The following BTBD8 variants were observed in gnomAD, a reference collection of about 807,000 sequenced individuals.
BTBD8 encodes the protein BTB/POZ domain-containing protein 8.
Under a neutral mutation model 162.9 loss-of-function variants are expected in BTBD8, and 110 were observed. The observed-to-expected ratio is 0.68, with a 90% CI of 0.58 to 0.79. The LOEUF is 0.79. BTBD8 is among the 30% of genes least tolerant of loss of function. BTBD8 has a pLI of 0.00. For synonymous variants in BTBD8, 667 were observed against 716.1 expected (o/e 0.93, Z 1.10); for missense variants, 1,905 against 2,085.4 (o/e 0.91, Z 1.68).
intron 4 of BTBD8, chr1:92,126,327 C>T (rs955437287): frequency 3.4e-6 from 2 of 594,856 alleles, no homozygotes; most frequent in South Asian, 2.7e-5. Flanking sequence ...GAATCACCCT[C>T]CTGCTGCCAC....
intron 2 of BTBD8, among the ~76,000 whole-genome samples, chr1:92,095,976 T>TA (rs1403483322): frequency 6.7e-6 from 1 of 149,242 alleles, no homozygotes; most frequent in Non-Finnish European, 1.5e-5. Flanking sequence ...TCTTACTACT[T>TA]TTTTTTTTTT....
chr1:92,149,248 A>G (rs1570745788), intron 9 of BTBD8, among the ~76,000 whole-genome samples: 1 of 152,206 alleles, frequency 6.6e-6, no homozygotes, highest in Non-Finnish European at 1.5e-5. Context: ...GTCATCTAAT[A>G]TAAGACATGT....
intron 7 of BTBD8, among the ~76,000 whole-genome samples, chr1:92,145,571 C>G (rs1354204110): frequency 6.6e-6 from 1 of 152,200 alleles, no homozygotes; most frequent in Non-Finnish European, 1.5e-5. Flanking sequence ...CATGAAAATA[C>G]ATGGCATGGG....
chr1:92,132,467 G>A (rs776553138), intron 5 of BTBD8, among the ~76,000 whole-genome samples: 8 of 152,032 alleles, frequency 5.3e-5, no homozygotes, highest in Non-Finnish European at 8.8e-5. Flanking sequence ...TCAATTACTC[G>A]TCTCTACTCT....
At position 92,080,396 on chromosome 1, in the gene BTBD8, C is replaced by T. The variant is rs1226153258; in HGVS notation, c.-176C>T. The T allele has an allele frequency of 2.3e-6, 2 of 876,808 alleles. No homozygotes were observed. The highest frequency in any genetic ancestry group is 3.3e-6 in the Non-Finnish European group (2 of 600,310). 54.3% of individuals were successfully genotyped at this position (876,808 alleles called of 1,614,324 possible). A position where few individuals can be genotyped will look rare whatever the true frequency, so the allele number is the denominator to read the frequency against. ...TCTGGGATTCTGAGGCTCCCCACCGCGGTCCGGCTTCTCTGGGAGACTGTC... is the reference window on the plus strand; with the variant it reads ...TCTGGGATTCTGAGGCTCCCCACCGTGGTCCGGCTTCTCTGGGAGACTGTC... On this transcript the variant is annotated 5_prime_UTR_variant, in exon 1 of 18. Coordinates refer to ENST00000636805, the MANE Select transcript of BTBD8 (RefSeq NM_001376131.1).
chr1:92,130,512 CA>C (rs1465633963), intron 5 of BTBD8, among the ~76,000 whole-genome samples: 4 of 60,376 alleles, frequency 6.6e-5, no homozygotes, highest in African/African-American at 5.0e-4. Flanking sequence ...AACCCTGTCT[CA>C]AAAAAAATAT....
intron 4 of BTBD8, among the ~76,000 whole-genome samples, chr1:92,109,106 A>G (rs557754150): frequency 6.6e-6 from 1 of 152,304 alleles, no homozygotes; most frequent in South Asian, 2.1e-4. Context: ...ATATACATAT[A>G]CGTATTTTCC....
chr1:92,120,902 A>T (rs1043951258), intron 4 of BTBD8, among the ~76,000 whole-genome samples: 1 of 152,168 alleles, frequency 6.6e-6, no homozygotes, highest in Non-Finnish European at 1.5e-5. Flanking sequence ...AACTGGGATT[A>T]TAGACGTGCA....
chr1:92,120,519 G>A (rs1056539018), intron 4 of BTBD8, among the ~76,000 whole-genome samples: 2 of 151,918 alleles, frequency 1.3e-5, no homozygotes, highest in Admixed American at 1.3e-4. Flanking sequence ...AGCCAGTAAC[G>A]TAGTTGTTTA....
rs534518449 is a variant in BTBD8 at position 92,088,768 on chromosome 1, G to A, written c.220G>A (p.Ala74Thr). 1 of 1,613,004 alleles carries A rather than the reference G, an allele frequency of 6.2e-7. No individual in the cohort carries two copies. The highest frequency in any genetic ancestry group is 1.3e-5 in the African/African-American group (1 of 74,994). The change falls in exon 2 of 18, where the codon GCA becomes ACA. Residue 74 changes from alanine to threonine, a missense_variant. By Grantham distance (58) the Ala-to-Thr change is moderately conservative. This residue lies in a region of BTBD8 where 1,374 missense variants were observed against 1,442.7 expected (regional missense o/e 0.95). Transcript: ENST00000636805. ...VGCTLFKAHK[A>T]VLLARVPDFY... Reference sequence around the variant, plus strand: ...TTGTACTTTGTTCAAAGCACACAAAGCAGTCCTTTTAGCAAGAGTTCCTGA... The same window carrying A: ...TTGTACTTTGTTCAAAGCACACAAAACAGTCCTTTTAGCAAGAGTTCCTGA...
chr1:92,100,412 A>G (rs990078772), intron 2 of BTBD8, among the ~76,000 whole-genome samples: 3 of 152,108 alleles, frequency 2.0e-5, no homozygotes, highest in Non-Finnish European at 2.9e-5. Context: ...ATTATTAAAC[A>G]TTTGGTAGAA....
At chr1:92,139,206 C>T (rs1490721649) in intron 5 of BTBD8, 144 bp from the exon 6 acceptor site, 2 of 763,852 alleles carry the variant, frequency 2.6e-6, no homozygotes, top group African/African-American at 1.8e-5. Flanking sequence ...GGTATACCTG[C>T]ATGGATGTTA....
chr1:92,094,282 A>T (rs1427688517), intron 2 of BTBD8, among the ~76,000 whole-genome samples: 1 of 152,238 alleles, frequency 6.6e-6, no homozygotes, highest in East Asian at 1.9e-4. Context: ...TTGGTGCCTC[A>T]TGTAGTGTCT....
intron 1 of BTBD8, among the ~76,000 whole-genome samples, chr1:92,084,799 C>G (rs1323542910): frequency 1.3e-5 from 2 of 152,204 alleles, no homozygotes; most frequent in African/African-American, 4.8e-5. Flanking sequence ...TTTATGACTC[C>G]TCTTTCACTG....
chr1:92,181,886 A>C lies in BTBD8; in HGVS notation c.4203A>C (p.Ile1401=). Residue 1401 remains isoleucine, a synonymous_variant, in exon 17 of 18, where the codon ATA becomes ATC. Transcript: ENST00000636805. The part of the protein sequence containing the change: ...EAENVAENFS[I]SNPAPQQFQG... Reference sequence around the variant, plus strand: ...AAAACGTTGCAGAAAATTTCTCTATATCTAACCCAGCTCCTCAGCAGTTTC... The same window carrying C: ...AAAACGTTGCAGAAAATTTCTCTATCTCTAACCCAGCTCCTCAGCAGTTTC... The C allele has an allele frequency of 6.4e-7, 1 of 1,551,412 alleles. No homozygotes were observed. Among genetic ancestry groups the C allele is most frequent in the Non-Finnish European group, 8.7e-7 (1 of 1,146,932 alleles).
In BTBD8 at chr1:92,080,436, AG is replaced by A; in HGVS notation, c.-134del. On this transcript the variant is annotated 5_prime_UTR_variant, in exon 1 of 18. Coordinates refer to ENST00000636805, the MANE Select transcript of BTBD8 (RefSeq NM_001376131.1). ...GGGAGACTGTCTACAAACCGACGAG[AG>A]GCGTCAACCTTTTACCCTAGGGGGC... 7.8e-7 allele frequency: 1 copy of A among 1,282,230 alleles called. No individual in the cohort carries two copies. Among genetic ancestry groups the A allele is most frequent in the East Asian group, 2.7e-5 (1 of 37,388 alleles). 79.4% of individuals were successfully genotyped at this position (1,282,230 alleles called of 1,614,324 possible). A position where few individuals can be genotyped will look rare whatever the true frequency, so the allele number is the denominator to read the frequency against.
Position 92,184,224 on chromosome 1 carries a change from C to CTTA in BTBD8, c.5273_5274insTTA (p.Thr1758_Ser1759insTer). 1 of 1,551,582 alleles carries CTTA rather than the reference C, an allele frequency of 6.4e-7. No homozygotes were observed. The highest frequency in any genetic ancestry group is 8.7e-7 in the Non-Finnish European group (1 of 1,146,810). ...ACTTTGAACAGATGGAGTGAACTAA[C>CTTA]ATCTCCACTTGATTCCTCAGCGAGC... On this transcript the variant is annotated stop_gained and inframe_insertion, in exon 18 of 18. Transcript: ENST00000636805. LOFTEE classifies it high-confidence loss of function.
chr1:92,180,377 G>A lies in BTBD8; in HGVS notation c.2694G>A (p.Lys898=), dbSNP rs17131606. ...CAACTACAGAGAAACAAGCACCTAA[G>A]AGAAAAATGGTCAAGCAAGTACACA... ...HNTTTEKQAP[K]RKMVKQVHTA... The change falls in exon 17 of 18, where the codon AAG becomes AAA. Residue 898 remains lysine, a synonymous_variant. Coordinates refer to ENST00000636805, the MANE Select transcript of BTBD8 (RefSeq NM_001376131.1). 3.9e-3 allele frequency: 6,003 copies of A among 1,551,542 alleles called. 239 individuals carry two copies. The African/African-American group carries it at 0.073, about 19-fold the overall frequency.
chr1:92,103,907 G>A lies in BTBD8; in HGVS notation c.544+1238G>A, dbSNP rs560773604. Among the ~76,000 whole-genome samples the A allele has an allele frequency of 2.0e-5, 3 of 152,278 alleles. No individual in the cohort carries two copies. The South Asian group carries it at 6.2e-4, about 32-fold the overall frequency. On this transcript the variant is annotated intron_variant, in intron 3 of 17. Coordinates refer to ENST00000636805, the MANE Select transcript of BTBD8 (RefSeq NM_001376131.1). ...AACATAAAAATATTCATAGAAAAGTGTCTCCCAATAGTTGGTTATCTGAAG... is the reference window on the plus strand; with the variant it reads ...AACATAAAAATATTCATAGAAAAGTATCTCCCAATAGTTGGTTATCTGAAG...
Sources: allele counts gnomAD v4.1 joint callset (sites outside exome capture counted in the v4.1 genomes callset), GRCh38; gene constraint gnomAD v4.1.1; regional missense constraint gnomAD v4.1.1; transcripts MANE v1.5; gene names NCBI Gene and HGNC (gene_info 2026-07-23, HGNC 2026-07-21).